SPAG16: variants seen among roughly 807,000 people sequenced by gnomAD.
The protein encoded by SPAG16 is sperm-associated antigen 16 protein.
SPAG16 carries 86 observed loss-of-function variants against 80.4 expected under a neutral mutation model. That is an observed-to-expected ratio of 1.07 (90% CI 0.90 to 1.28). SPAG16 has a LOEUF of 1.28. Among genes scored for constraint, SPAG16 ranks in the 50% most tolerant of loss-of-function variants. The probability of loss-of-function intolerance (pLI) is 0.00; values close to 1 mark genes in which losing one functional copy is unlikely to be tolerated. For synonymous variants in SPAG16, 294 were observed against 265.9 expected (o/e 1.11, Z -1.03); for missense variants, 870 against 765.3 (o/e 1.14, Z -1.61).
chr2:213,982,623 G>GTGTC (rs1201817949), intron 12 of SPAG16, among the ~76,000 whole-genome samples: 1,996 of 151,256 alleles, frequency 0.013, 48 homozygotes, highest in African/African-American at 0.046. Flanking sequence ...GTGTGTGTGT[G>GTGTC]TGTGTGTGTG....
chr2:214,036,067 T>A (rs903823909), intron 13 of SPAG16, among the ~76,000 whole-genome samples: 1 of 152,260 alleles, frequency 6.6e-6, no homozygotes, highest in Non-Finnish European at 1.5e-5. Flanking sequence ...CATCATTTAT[T>A]TTTATTAATT....
At chr2:213,318,072 T>C (rs1487745260) in intron 5 of SPAG16, 3 of 152,040 alleles carry the variant, frequency 2.0e-5, no homozygotes. Flanking sequence ...CACCAACATC[T>C]GTTATTTTTG....
chr2:213,535,435 T>C (rs1378149481), intron 10 of SPAG16, among the ~76,000 whole-genome samples: 4 of 152,172 alleles, frequency 2.6e-5, no homozygotes, highest in African/African-American at 9.6e-5. Context: ...GGAAATCATG[T>C]CTGAGTTGAA....
intron 15 of SPAG16, among the ~76,000 whole-genome samples, chr2:214,322,019 C>T (rs1204005055): frequency 6.6e-6 from 1 of 152,192 alleles, no homozygotes; most frequent in African/African-American, 2.4e-5. Context: ...AAAGTTACAC[C>T]TGCATTTCTG....
In SPAG16 at chr2:213,931,765, C is replaced by T. The variant is rs746166828; in HGVS notation, c.1400+1620C>T. ...ATCTTGATATTACAGATCAAAATTG[C>T]TTCTGATTGATGCCAAAATTCTTTA... On this transcript the variant is annotated intron_variant, in intron 12 of 15. Coordinates refer to ENST00000331683, the MANE Select transcript of SPAG16 (RefSeq NM_024532.5). Among the ~76,000 whole-genome samples, 77 of 152,036 alleles carry T rather than the reference C, an allele frequency of 5.1e-4. 1 individual carries two copies. Among genetic ancestry groups the T allele is most frequent in the Non-Finnish European group, 1.0e-3 (68 of 68,006 alleles).
At chr2:213,701,585 C>T (rs938885432) in intron 10 of SPAG16, among the ~76,000 whole-genome samples, 5 of 152,244 alleles carry the variant, frequency 3.3e-5, no homozygotes, top group African/African-American at 4.8e-5. Context: ...CTGGTCCCAT[C>T]GACCTTCCAA....
At chr2:213,942,171 T>A (rs2079226810) in intron 12 of SPAG16, among the ~76,000 whole-genome samples, 1 of 152,264 alleles carries the variant, frequency 6.6e-6, no homozygotes, top group Non-Finnish European at 1.5e-5. Flanking sequence ...AAACCCCAAC[T>A]CTGGTTAAAC....
chr2:214,299,300 G>C (rs1694378757), intron 15 of SPAG16, among the ~76,000 whole-genome samples: 1 of 143,524 alleles, frequency 7.0e-6, no homozygotes, highest in Non-Finnish European at 1.5e-5. Context: ...ACCCAGGCTG[G>C]AGTGCAGTGG....
intron 10 of SPAG16, among the ~76,000 whole-genome samples, chr2:213,797,660 A>C (rs139978096): frequency 6.6e-6 from 1 of 152,350 alleles, no homozygotes; most frequent in Non-Finnish European, 1.5e-5. Context: ...CGTTTCTCAG[A>C]TCATATTCCC....
intron 15 of SPAG16, among the ~76,000 whole-genome samples, chr2:214,389,677 T>G (rs1211867091): frequency 2.0e-5 from 3 of 152,224 alleles, no homozygotes; most frequent in Non-Finnish European, 4.4e-5. Flanking sequence ...TGACAATAAC[T>G]TGCTTATGTT....
chr2:213,707,524 C>A (rs895724085), intron 10 of SPAG16, among the ~76,000 whole-genome samples: 1 of 152,106 alleles, frequency 6.6e-6, no homozygotes, highest in East Asian at 1.9e-4. Flanking sequence ...GCATTTATTG[C>A]ACTTACTTTT....
intron 9 of SPAG16, among the ~76,000 whole-genome samples, chr2:213,476,973 G>A (rs979614883): frequency 6.6e-6 from 1 of 152,190 alleles, no homozygotes; most frequent in Non-Finnish European, 1.5e-5. Context: ...GCTCTCAGAA[G>A]CAAGAGGGGA....
chr2:214,336,307 A>G (rs1302913136), intron 15 of SPAG16, among the ~76,000 whole-genome samples: 1 of 152,176 alleles, frequency 6.6e-6, no homozygotes, highest in Non-Finnish European at 1.5e-5. Context: ...TGGGGTCTCA[A>G]ATCACCCTTT....
intron 10 of SPAG16, among the ~76,000 whole-genome samples, chr2:213,770,030 C>T (rs2069155179): frequency 6.6e-6 from 1 of 152,172 alleles, no homozygotes; most frequent in Non-Finnish European, 1.5e-5. Context: ...GCTTCTTTAA[C>T]TCAGCATGAA....
chr2:213,339,064 A>C (rs2064538706), intron 5 of SPAG16, among the ~76,000 whole-genome samples: 1 of 152,064 alleles, frequency 6.6e-6, no homozygotes, highest in Non-Finnish European at 1.5e-5. Context: ...ACTTGGAAGA[A>C]TGGATCAGAG....
Position 214,356,103 on chromosome 2 carries a change from T to G in SPAG16, c.1721-54037T>G, listed in dbSNP as rs1019430106. 5.3e-5 allele frequency among the ~76,000 whole-genome samples: 8 copies of G among 151,374 alleles called. No homozygotes were observed. In the South Asian group the frequency reaches 8.4e-4, roughly 16 times the overall value. On this transcript the variant is annotated intron_variant, in intron 15 of 15. Transcript: ENST00000331683. The stretch of plus-strand genomic sequence containing the variant: ...CAAGTTAATGGAAATGACGAGTTAA[T>G]GAGTGCAGCACACCAGCATGGCACA...
intron 15 of SPAG16, among the ~76,000 whole-genome samples, chr2:214,156,363 C>T (rs978177934): frequency 6.6e-6 from 1 of 152,180 alleles, no homozygotes; most frequent in African/African-American, 2.4e-5. Flanking sequence ...ATTCTTGCTT[C>T]TGTTTTATAG....
At chr2:213,642,954 C>G (rs973477207) in intron 10 of SPAG16, among the ~76,000 whole-genome samples, 16 of 150,842 alleles carry the variant, frequency 1.1e-4, no homozygotes, top group Non-Finnish European at 4.4e-5. Context: ...CTCAGACTGG[C>G]TTTCCTTGCT....
rs555126113 is a variant in SPAG16 at position 213,535,644 on chromosome 2, C to T, written c.1070+45554C>T. Among the ~76,000 whole-genome samples, 65 of 152,084 alleles carry T rather than the reference C, an allele frequency of 4.3e-4. 1 individual carries two copies. The Middle Eastern group carries it at 0.01, about 24-fold the overall frequency. ...ATTCAGAACTCTAATTGTTTTGTTA[C>T]CCATCACTTTCTCATTGATTTGAAA... On this transcript the variant is annotated intron_variant, in intron 10 of 15. Coordinates refer to ENST00000331683, the MANE Select transcript of SPAG16 (RefSeq NM_024532.5).
Sources: gnomAD v4.1 joint callset for allele counts (sites outside exome capture counted in the v4.1 genomes callset) on GRCh38, gnomAD v4.1.1 for gene constraint, MANE v1.5 for transcripts, NCBI Gene and HGNC (gene_info 2026-07-23, HGNC 2026-07-21) for gene names.